The following PPP1R21 variants were observed in gnomAD, a reference collection of about 807,000 sequenced individuals.
PPP1R21 encodes protein phosphatase 1 regulatory subunit 21, also known as KLRAQ motif containing 1.
Under a neutral mutation model 112.8 loss-of-function variants are expected in PPP1R21, and 85 were observed. The ratio of observed to expected loss-of-function variants is 0.75; its 90% CI spans 0.63 to 0.90. The LOEUF (loss-of-function observed/expected upper bound fraction) is 0.90, where lower values mean the gene tolerates loss of function less well. Ranked by LOEUF, PPP1R21 falls within the 40% of genes least tolerant of loss-of-function variation. PPP1R21 has a pLI of 0.00. For synonymous variants in PPP1R21, 381 were observed against 322.3 expected, an observed-to-expected ratio of 1.18 and a Z score of -1.95; for missense variants, 1,199 against 901.5, an observed-to-expected ratio of 1.33 and a Z score of -4.23.
At chr2:48,479,557 G>C (rs149774555) in intron 12 of PPP1R21, 2 of 485,718 alleles carry the variant, frequency 4.1e-6, no homozygotes, top group Non-Finnish European at 8.4e-6. Context: ...TGATATTTGG[G>C]TAAGAGTGTT....
Position 48,440,989 on chromosome 2 carries a change from G to T in PPP1R21, c.36G>T (p.Lys12Asn). ...ASAELQGKYQ[K>N]LAQEYSKLRA... ...CTGAGTTGCAGGGGAAGTACCAGAA[G>T]CTGGCTCAGGAGTACTCGAAGGTAC... Residue 12 changes from lysine (K) to asparagine (N), a missense_variant, in exon 1 of 22, where the codon AAG becomes AAT. Transcript: ENST00000294952. 6.2e-7 allele frequency: 1 copy of T among 1,612,026 alleles called. No homozygotes were observed. Among genetic ancestry groups the T allele is most frequent in the South Asian group, 1.1e-5 (1 of 90,948 alleles).
intron 1 of PPP1R21, among the ~76,000 whole-genome samples, chr2:48,446,614 T>C (rs1324062436): frequency 6.6e-6 from 1 of 152,216 alleles, no homozygotes; most frequent in Non-Finnish European, 1.5e-5. Context: ...AATTAACTGA[T>C]TAAATAACTA....
intron 13 of PPP1R21, among the ~76,000 whole-genome samples, chr2:48,480,363 C>T (rs1668957496): frequency 1.3e-5 from 2 of 152,188 alleles, no homozygotes; most frequent in South Asian, 4.1e-4. Context: ...AGAGCCCAAG[C>T]ACAAAGGAAT....
intron 6 of PPP1R21, among the ~76,000 whole-genome samples, 187 bp downstream of exon 6, chr2:48,460,340 A>G (rs1222702829): frequency 6.6e-6 from 1 of 152,100 alleles, no homozygotes; most frequent in Non-Finnish European, 1.5e-5. Flanking sequence ...TGGCCTGTGT[A>G]TTAGTTCTCA....
chr2:48,493,893 T>C (rs186437848), intron 15 of PPP1R21, among the ~76,000 whole-genome samples: 10 of 152,070 alleles, frequency 6.6e-5, no homozygotes, highest in East Asian at 1.9e-4. Flanking sequence ...CCTTGACTTA[T>C]GATGGGATTA....
intron 11 of PPP1R21, among the ~76,000 whole-genome samples, chr2:48,472,239 CAAAAAAAAAAAAAAA>C (rs57711610): frequency 2.3e-5 from 1 of 43,014 alleles, no homozygotes; most frequent in Non-Finnish European, 3.8e-5. Context: ...GACTCCATCT[CAAAAAAAAAAAAAAA>C]AAAAAAAAAA....
intron 1 of PPP1R21, among the ~76,000 whole-genome samples, chr2:48,442,356 A>G (rs145293757): frequency 2.0e-4 from 30 of 152,362 alleles, no homozygotes; most frequent in African/African-American, 6.5e-4. Context: ...TTTCTTCTCC[A>G]GAAAGCCAGC....
At chr2:48,508,635 G>T (rs948835254) in intron 19 of PPP1R21, among the ~76,000 whole-genome samples, 1 of 152,166 alleles carries the variant, frequency 6.6e-6, no homozygotes, top group Admixed American at 6.5e-5. Context: ...CTCATTGTTT[G>T]GTTCTGAGTT....
intron 15 of PPP1R21, among the ~76,000 whole-genome samples, chr2:48,492,351 G>A (rs571008339): frequency 1.3e-5 from 2 of 150,876 alleles, no homozygotes; most frequent in African/African-American, 4.9e-5. Context: ...CTCTTTTCTT[G>A]TCCTTTTTTC....
intron 1 of PPP1R21, among the ~76,000 whole-genome samples, chr2:48,445,690 C>T (rs1367993956): frequency 6.6e-6 from 1 of 152,094 alleles, no homozygotes; most frequent in Non-Finnish European, 1.5e-5. Flanking sequence ...GGGGTTTTGT[C>T]GTAGTGAGTT....
chr2:48,482,865 C>G (rs1295050482), intron 13 of PPP1R21, among the ~76,000 whole-genome samples: 1 of 152,020 alleles, frequency 6.6e-6, no homozygotes, highest in East Asian at 1.9e-4. Flanking sequence ...ATTAGCTGCA[C>G]AGATCATCCC....
At chr2:48,505,273 G>C (rs1376532824) in intron 17 of PPP1R21, among the ~76,000 whole-genome samples, 2 of 152,190 alleles carry the variant, frequency 1.3e-5, no homozygotes, top group Admixed American at 6.5e-5. Context: ...GTTAAAAGCT[G>C]ATCTTCTCTT....
At chr2:48,511,237 A>G (rs1310197697) in intron 20 of PPP1R21, 103 bp from the exon 21 acceptor site, 9 of 1,120,996 alleles carry the variant, frequency 8.0e-6, no homozygotes, top group Non-Finnish European at 1.2e-5. Context: ...TTATTGGGAA[A>G]CTATAATTTC....
intron 4 of PPP1R21, 51 bp downstream of exon 4, chr2:48,458,278 T>C (rs75289760): frequency 0.093 from 113,645 of 1,225,588 alleles, 6,617 homozygotes; most frequent in Non-Finnish European, 0.11. Context: ...CTGTGATCTG[T>C]TAATGTGGAA....
chr2:48,448,860 C>T (rs1381143893), intron 1 of PPP1R21, among the ~76,000 whole-genome samples: 1 of 152,200 alleles, frequency 6.6e-6, no homozygotes, highest in South Asian at 2.1e-4. Flanking sequence ...TATGTGGTTT[C>T]TGTTGCAACT....
intron 1 of PPP1R21, among the ~76,000 whole-genome samples, chr2:48,446,154 A>G (rs1340774563): frequency 6.6e-6 from 1 of 152,260 alleles, no homozygotes; most frequent in African/African-American, 2.4e-5. Flanking sequence ...TTCTAACACA[A>G]GATTGTTGAG....
intron 17 of PPP1R21, among the ~76,000 whole-genome samples, chr2:48,504,157 A>G (rs1670263438): frequency 6.6e-6 from 1 of 152,068 alleles, no homozygotes; most frequent in Non-Finnish European, 1.5e-5. Context: ...ATTCCAAGCA[A>G]TTTTTCACTA....
At chr2:48,477,752 T>C (rs2937) in intron 12 of PPP1R21, among the ~76,000 whole-genome samples, 13,558 of 152,002 alleles carry the variant, frequency 0.089, 695 homozygotes, top group Non-Finnish European at 0.11. Context: ...TGTGTTGATG[T>C]CTACAAAGAA....
At chr2:48,511,643 C>T (rs1023653248) in intron 21 of PPP1R21, among the ~76,000 whole-genome samples, 175 bp downstream of exon 21, 4 of 150,738 alleles carry the variant, frequency 2.7e-5, no homozygotes, top group Non-Finnish European at 4.4e-5. Flanking sequence ...GGGAGGATCC[C>T]TTGAGGCCAG....
Sources: allele counts gnomAD v4.1 joint callset (sites outside exome capture counted in the v4.1 genomes callset), GRCh38; gene constraint gnomAD v4.1.1; transcripts MANE v1.5; gene names NCBI Gene and HGNC (gene_info 2026-07-23, HGNC 2026-07-21).